Variants in SPPL3 observed in about 807,000 individuals in gnomAD.
SPPL3 encodes the protein signal peptide peptidase-like 3.
SPPL3 carries 5 observed loss-of-function variants against 42.4 expected under a neutral mutation model. The ratio of observed to expected loss-of-function variants is 0.12; its 90% confidence interval spans 0.06 to 0.25. SPPL3 has a LOEUF of 0.25. Among genes scored for constraint, SPPL3 ranks in the 10% least tolerant of loss-of-function variants. SPPL3 has a pLI of 1.00. For synonymous variants in SPPL3, 195 were observed against 181.8 expected, an observed-to-expected ratio of 1.07 and a Z score of -0.58; for missense variants, 235 against 489.0, an observed-to-expected ratio of 0.48 and a Z score of 4.90.
chr12:120,764,808 A>G lies in SPPL3; in HGVS notation c.*191T>C, dbSNP rs1868817933. 1 of 587,034 alleles carries G rather than the reference A, an allele frequency of 1.7e-6. No individual in the cohort carries two copies. Among genetic ancestry groups the G allele is most frequent in the African/African-American group, 1.9e-5 (1 of 52,912 alleles). 36.4% of individuals were successfully genotyped at this position (587,034 alleles called of 1,614,324 possible). ...GCCCCACCTCTACATCCGCAGGAAG[A>G]GAAGGAACCAAACAGGGCTCCAGCA... is the stretch of plus-strand genomic sequence containing the variant. On this transcript the variant is annotated 3_prime_UTR_variant, in exon 11 of 11. Transcript: ENST00000353487.
At chr12:120,798,229 T>A (rs566572053) in intron 2 of SPPL3, among the ~76,000 whole-genome samples, 1 of 152,072 alleles carries the variant, frequency 6.6e-6, no homozygotes, top group African/African-American at 2.4e-5. Context: ...TGGGGGTTTT[T>A]TTATTTTAAA....
intron 1 of SPPL3, among the ~76,000 whole-genome samples, chr12:120,895,032 C>A (rs1050256014): frequency 6.6e-6 from 1 of 152,140 alleles, no homozygotes; most frequent in Non-Finnish European, 1.5e-5. Context: ...ACCATGCATT[C>A]CAAGGAAAAG....
intron 2 of SPPL3, among the ~76,000 whole-genome samples, chr12:120,797,825 T>C (rs1870156160): frequency 6.6e-6 from 1 of 152,140 alleles, no homozygotes; most frequent in South Asian, 2.1e-4. Flanking sequence ...AACTTCGTAG[T>C]TTCCCACCTC....
At chr12:120,876,810 C>T (rs11065306) in intron 1 of SPPL3, among the ~76,000 whole-genome samples, 3 of 8,794 alleles carry the variant, frequency 3.4e-4, no homozygotes, top group Non-Finnish European at 8.1e-4. Flanking sequence ...GAAACACATA[C>T]ACACACACAC....
intron 1 of SPPL3, among the ~76,000 whole-genome samples, chr12:120,883,953 T>G (rs1417746688): frequency 6.7e-6 from 1 of 149,906 alleles, no homozygotes; most frequent in Non-Finnish European, 1.5e-5. Flanking sequence ...AATACAAAAT[T>G]AGCCGGGCGT....
intron 1 of SPPL3, among the ~76,000 whole-genome samples, chr12:120,874,195 G>A (rs557852072): frequency 1.3e-5 from 2 of 152,252 alleles, no homozygotes; most frequent in South Asian, 2.1e-4. Flanking sequence ...GCTCACGCCT[G>A]TAATCCCAGC....
At chr12:120,898,830 CAT>C (rs1950611681) in intron 1 of SPPL3, among the ~76,000 whole-genome samples, 1 of 152,176 alleles carries the variant, frequency 6.6e-6, no homozygotes, top group Non-Finnish European at 1.5e-5. Flanking sequence ...AACTCTATCA[CAT>C]AGAAAATACA....
intron 3 of SPPL3, among the ~76,000 whole-genome samples, chr12:120,788,819 C>T (rs1189886192): frequency 6.6e-6 from 1 of 152,200 alleles, no homozygotes; most frequent in Admixed American, 6.5e-5. Context: ...AAAACCTTCT[C>T]CCCAGTTGTT....
intron 1 of SPPL3, among the ~76,000 whole-genome samples, chr12:120,896,019 C>G (rs1388140425): frequency 6.6e-6 from 1 of 152,078 alleles, no homozygotes; most frequent in Non-Finnish European, 1.5e-5. Context: ...AACTAGGATA[C>G]ATCTCCACTT....
chr12:120,807,656 A>G (rs1056114009), intron 2 of SPPL3, among the ~76,000 whole-genome samples: 2 of 148,712 alleles, frequency 1.3e-5, no homozygotes, highest in African/African-American at 5.0e-5. Context: ...CCTGGGCAAC[A>G]AGAGCGAAAC....
At chr12:120,846,810 A>C (rs1019764207) in intron 1 of SPPL3, among the ~76,000 whole-genome samples, 4 of 152,234 alleles carry the variant, frequency 2.6e-5, no homozygotes, top group Non-Finnish European at 4.4e-5. Context: ...GGTTTCACAG[A>C]AATTCTTGGA....
intron 1 of SPPL3, among the ~76,000 whole-genome samples, chr12:120,828,318 TA>T (rs1246029108): frequency 3.3e-5 from 5 of 151,988 alleles, no homozygotes; most frequent in African/African-American, 1.2e-4. Context: ...GGAAGGCAGC[TA>T]AAGCAATGTT....
intron 1 of SPPL3, among the ~76,000 whole-genome samples, chr12:120,874,757 G>A (rs1234418440): frequency 6.6e-6 from 1 of 151,862 alleles, no homozygotes; most frequent in African/African-American, 2.4e-5. Context: ...AGGAGAGGAT[G>A]TGTGAGTGTG....
intron 1 of SPPL3, among the ~76,000 whole-genome samples, chr12:120,900,210 T>C (rs1873932206): frequency 6.6e-6 from 1 of 152,126 alleles, no homozygotes; most frequent in African/African-American, 2.4e-5. Flanking sequence ...TATGCCTTTA[T>C]ATTCTTCACC....
intron 1 of SPPL3, among the ~76,000 whole-genome samples, chr12:120,839,861 T>A (rs1048813179): frequency 2.6e-5 from 4 of 151,702 alleles, no homozygotes; most frequent in Non-Finnish European, 4.4e-5. Context: ...AAAAAAAAAA[T>A]GAACACAAAT....
At chr12:120,845,146 A>G in intron 1 of SPPL3, 2 of 448,790 alleles carry the variant, frequency 4.5e-6, no homozygotes, top group Middle Eastern at 5.9e-4. Flanking sequence ...CAGCCAGCCC[A>G]GTCCTTGATA....
chr12:120,840,840 T>C (rs1239589156), intron 1 of SPPL3, among the ~76,000 whole-genome samples: 1 of 150,204 alleles, frequency 6.7e-6, no homozygotes, highest in Non-Finnish European at 1.5e-5. Context: ...TCTGAAAAAA[T>C]AAAATAAAAA....
At chr12:120,838,335 C>T (rs1871690996) in intron 1 of SPPL3, among the ~76,000 whole-genome samples, 1 of 152,144 alleles carries the variant, frequency 6.6e-6, no homozygotes, top group Non-Finnish European at 1.5e-5. Flanking sequence ...CTCCAGCATA[C>T]TTTCTTCCTT....
chr12:120,771,643 A>G (rs957152944), intron 6 of SPPL3, among the ~76,000 whole-genome samples: 1 of 152,054 alleles, frequency 6.6e-6, no homozygotes, highest in African/African-American at 2.4e-5. Context: ...AGTCTAGGCC[A>G]GGGCCTGGCA....
Sources: gnomAD v4.1 joint callset for allele counts (sites outside exome capture counted in the v4.1 genomes callset) on GRCh38, gnomAD v4.1.1 for gene constraint, MANE v1.5 for transcripts, NCBI Gene and HGNC (gene_info 2026-07-23, HGNC 2026-07-21) for gene names.